Variants in H2BC18 observed in about 807,000 individuals in gnomAD.
H2BC18 encodes H2B clustered histone 18, also known as histone H2B type 2-F.
In H2BC18, 8 loss-of-function variants were observed where a neutral mutation model predicts 6.3. The observed-to-expected ratio is 1.28, with a 90% CI of 0.75 to 2.31. The LOEUF (loss-of-function observed/expected upper bound fraction) is 2.31. Among genes scored for constraint, H2BC18 ranks in the 30% most tolerant of loss-of-function variants. H2BC18 has a pLI of 0.00. For missense variants in H2BC18, 106 were observed against 174.5 expected, an observed-to-expected ratio of 0.61 and a Z score of 2.21; for synonymous variants, 104 against 78.1, an observed-to-expected ratio of 1.33 and a Z score of -1.75.
At chr1:149,796,827 G>A (rs1553752832) in intron 1 of H2BC18, among the ~76,000 whole-genome samples, 3 of 152,186 alleles carry the variant, frequency 2.0e-5, no homozygotes, top group African/African-American at 4.8e-5. Flanking sequence ...CTCACACTCA[G>A]TCGGTGGCTT....
At chr1:149,793,727 G>A (rs1380163550) in intron 1 of H2BC18, among the ~76,000 whole-genome samples, 1 of 151,714 alleles carries the variant, frequency 6.6e-6, no homozygotes, top group Non-Finnish European at 1.5e-5. Context: ...GTTAGGGGTC[G>A]TTCTTCACCT....
At chr1:149,806,187 A>C (rs1409115183) in intron 1 of H2BC18, among the ~76,000 whole-genome samples, 1 of 151,980 alleles carries the variant, frequency 6.6e-6, no homozygotes, top group Non-Finnish European at 1.5e-5. Context: ...AGCGCCCAGA[A>C]AGCAGGGAGT....
downstream of H2BC18, chr1:149,811,587 C>G: frequency 3.7e-6 from 1 of 269,340 alleles, no homozygotes; most frequent in Non-Finnish European, 7.2e-6. Context: ...AAAAGGAAAA[C>G]GACTTTAAAG....
At chr1:149,796,657 C>T (rs2091803985) in intron 1 of H2BC18, among the ~76,000 whole-genome samples, 1 of 152,274 alleles carries the variant, frequency 6.6e-6, no homozygotes, top group South Asian at 2.1e-4. Context: ...ACTTAAGTAG[C>T]TCCTTGAATT....
intron 1 of H2BC18, among the ~76,000 whole-genome samples, chr1:149,789,460 A>G (rs1456452338): frequency 4.6e-5 from 7 of 152,074 alleles, no homozygotes; most frequent in African/African-American, 1.7e-4. Flanking sequence ...TGTGTGAGTC[A>G]GGGTTCACTC....
intron 1 of H2BC18, chr1:149,784,325 A>G (rs2091481934): frequency 1.9e-6 from 3 of 1,611,436 alleles, no homozygotes; most frequent in Admixed American, 3.3e-5. Context: ...TCCTTTCTGG[A>G]TGCCAGATGT....
chr1:149,788,246 T>A, intron 1 of H2BC18: 1 of 1,607,276 alleles, frequency 6.2e-7, no homozygotes, highest in South Asian at 1.1e-5. Context: ...GGCCTGAGAT[T>A]TGGCAGAGCT....
downstream of H2BC18, chr1:149,810,753 T>A (rs2101501667): frequency 6.6e-6 from 1 of 152,328 alleles, no homozygotes; most frequent in Middle Eastern, 3.4e-3. Flanking sequence ...TCTCAGGACA[T>A]CTGTGACACA....
chr1:149,803,911 A>G (rs1488841765), intron 1 of H2BC18: 3 of 152,224 alleles, frequency 2.0e-5, no homozygotes, highest in African/African-American at 4.8e-5. Flanking sequence ...TTCTTGTGAA[A>G]ATTTTGGATG....
downstream of H2BC18, among the ~76,000 whole-genome samples, chr1:149,809,028 T>C (rs1469644355): frequency 1.4e-5 from 2 of 141,544 alleles, no homozygotes; most frequent in East Asian, 4.0e-4. Context: ...ACTGTCATCT[T>C]TGTAGGTTTC....
intron 1 of H2BC18, chr1:149,788,628 G>C: frequency 6.2e-7 from 1 of 1,613,820 alleles, no homozygotes; most frequent in East Asian, 2.2e-5. Context: ...GTATTGTATT[G>C]GAATAGTCAT....
intron 1 of H2BC18, chr1:149,803,770 C>T (rs1269844138): frequency 6.6e-6 from 1 of 152,172 alleles, no homozygotes; most frequent in African/African-American, 2.4e-5. Flanking sequence ...TTTAGTAGGA[C>T]CACCTAAGAT....
At chr1:149,807,765 C>A (rs1167439857), downstream of H2BC18, among the ~76,000 whole-genome samples, 6 of 152,042 alleles carry the variant, frequency 3.9e-5, no homozygotes, top group African/African-American at 1.5e-4. Flanking sequence ...GATTGTGCCA[C>A]TGCACTCCAG....
Position 149,812,355 on chromosome 1 carries a change from A to G in H2BC18, c.-32T>C. 6.2e-7 allele frequency: 1 copy of G among 1,613,936 alleles called. No homozygotes were observed. The highest frequency in any genetic ancestry group is 8.5e-7 in the Non-Finnish European group (1 of 1,179,922). On this transcript the variant is annotated 5_prime_UTR_variant, in exon 1 of 1. Coordinates refer to ENST00000369167, the MANE Select transcript of H2BC18 (RefSeq NM_001024599.5). ...GCGAAAAAAGAGAAAAGAGACTTAA[A>G]GAAGTAATCCGAACTACCGCAAAAC... is the stretch of plus-strand genomic sequence containing the variant.
chr1:149,808,834 CTAGT>C (rs1407220244), downstream of H2BC18, among the ~76,000 whole-genome samples: 8 of 151,872 alleles, frequency 5.3e-5, no homozygotes, highest in African/African-American at 1.9e-4. Flanking sequence ...AAGCTTGTTC[CTAGT>C]TAAACACTGA....
Position 149,812,303 on chromosome 1 carries a change from G to A in H2BC18, c.21C>T (p.Ser7=), listed in dbSNP as rs782204185. 1.4e-5 allele frequency: 22 copies of A among 1,614,066 alleles called. No homozygotes were observed. The highest frequency in any genetic ancestry group is 1.2e-4 in the Admixed American group (7 of 60,006). MPDPAK[S]APAPKKGSKK... ...TGGAGCCCTTCTTGGGAGCAGGAGC[G>A]GATTTCGCTGGATCCGGCATTTTTG... The change falls in exon 1 of 1, where the codon TCC becomes TCT. Residue 7 remains serine, a synonymous_variant. Coordinates refer to ENST00000369167, the MANE Select transcript of H2BC18 (RefSeq NM_001024599.5).
At chr1:149,810,067 G>T (rs1278822644), downstream of H2BC18, among the ~76,000 whole-genome samples, 1 of 151,276 alleles carries the variant, frequency 6.6e-6, no homozygotes, top group Non-Finnish European at 1.5e-5. Context: ...TGGCATTTGT[G>T]TAGTTGAGCC....
intron 1 of H2BC18, among the ~76,000 whole-genome samples, chr1:149,805,749 G>A (rs2788811): frequency 2.9e-4 from 44 of 151,080 alleles, no homozygotes; most frequent in African/African-American, 7.9e-4. Flanking sequence ...GGGATAGAGC[G>A]GTGTATGAAA....
At chr1:149,803,824 T>C (rs1418261762) in intron 1 of H2BC18, 8 of 152,230 alleles carry the variant, frequency 5.3e-5, no homozygotes, top group Non-Finnish European at 7.3e-5. Context: ...AGAAAAGAAA[T>C]CTTAAGGTCT....
Sources: gnomAD v4.1 joint callset for allele counts (sites outside exome capture counted in the v4.1 genomes callset) on GRCh38, gnomAD v4.1.1 for gene constraint, MANE v1.5 for transcripts, NCBI Gene and HGNC (gene_info 2026-07-23, HGNC 2026-07-21) for gene names.